Variants in MED27 observed in about 807,000 individuals in gnomAD.
The protein encoded by MED27 is mediator complex subunit 27, also known as mediator of RNA polymerase II transcription subunit 27.
MED27 carries 30 observed loss-of-function variants against 38.2 expected under a neutral mutation model. The observed-to-expected ratio is 0.79, with a 90% CI of 0.59 to 1.07. MED27 has a LOEUF of 1.07. Among genes scored for constraint, MED27 ranks in the 50% least tolerant of loss-of-function variants. MED27 has a pLI of 0.00. For missense variants in MED27, 289 were observed against 397.5 expected (o/e 0.73, Z 2.32); for synonymous variants, 122 against 153.5 (o/e 0.79, Z 1.52).
chr9:132,032,133 G>A (rs1390486486), intron 2 of MED27: 1 of 152,258 alleles, frequency 6.6e-6, no homozygotes, highest in Middle Eastern at 3.4e-3. Flanking sequence ...CACGGGGGAC[G>A]GCTCTGCCAC....
intron 6 of MED27, among the ~76,000 whole-genome samples, chr9:131,874,578 C>A (rs1221782236): frequency 1.3e-5 from 2 of 152,068 alleles, no homozygotes; most frequent in Non-Finnish European, 2.9e-5. Context: ...CAGAGGTGGA[C>A]ACTGCCTGGA....
rs1390390481 is a variant in MED27 at position 131,886,799 on chromosome 9, G to A, written c.682-2700C>T. On this transcript the variant is annotated intron_variant, in intron 5 of 7. Coordinates refer to ENST00000292035, the MANE Select transcript of MED27 (RefSeq NM_004269.4). ...GGGTTCGTATTACTTTCTCAGTGCC[G>A]CAGTTTAGCACAGGGCTTAACAAAT... is the stretch of plus-strand genomic sequence containing the variant. Among the ~76,000 whole-genome samples, 8 of 152,274 alleles carry A rather than the reference G, an allele frequency of 5.3e-5. No homozygotes were observed. In the East Asian group the frequency reaches 1.2e-3, roughly 22 times the overall value.
intron 2 of MED27, among the ~76,000 whole-genome samples, chr9:132,062,493 T>C (rs1286128523): frequency 6.6e-6 from 1 of 152,088 alleles, no homozygotes; most frequent in East Asian, 1.9e-4. Context: ...GCAGGTTGAG[T>C]ATGGTGGCTC....
At chr9:131,916,020 T>C (rs769708587) in intron 4 of MED27, among the ~76,000 whole-genome samples, 6 of 152,260 alleles carry the variant, frequency 3.9e-5, no homozygotes, top group Non-Finnish European at 5.9e-5. Context: ...TAATACAATT[T>C]ATATAATCAA....
At chr9:131,900,604 G>T (rs1337455053) in intron 4 of MED27, among the ~76,000 whole-genome samples, 1 of 151,782 alleles carries the variant, frequency 6.6e-6, no homozygotes, top group Admixed American at 6.6e-5. Flanking sequence ...CAGGGGAGGT[G>T]AGCTGACCAA....
intron 2 of MED27, among the ~76,000 whole-genome samples, chr9:132,029,914 A>G (rs1215299468): frequency 5.3e-5 from 8 of 152,120 alleles, no homozygotes; most frequent in African/African-American, 1.9e-4. Context: ...AAAATTGCAA[A>G]TCAAGGTATA....
At chr9:132,038,126 C>T (rs1157117421) in intron 2 of MED27, among the ~76,000 whole-genome samples, 2 of 151,096 alleles carry the variant, frequency 1.3e-5, no homozygotes, top group African/African-American at 4.9e-5. Context: ...CACTCTCATT[C>T]ATTCATTCAT....
intron 5 of MED27, among the ~76,000 whole-genome samples, chr9:131,885,249 G>A (rs1452480712): frequency 6.6e-6 from 1 of 152,208 alleles, no homozygotes; most frequent in Non-Finnish European, 1.5e-5. Context: ...TTCTCCAGAT[G>A]GGGAAACAAT....
chr9:131,875,497 G>C (rs1472505607), intron 6 of MED27, among the ~76,000 whole-genome samples: 1 of 152,160 alleles, frequency 6.6e-6, no homozygotes, highest in Non-Finnish European at 1.5e-5. Flanking sequence ...GGTGGTCACT[G>C]AGGAAGAGGC....
chr9:131,918,094 A>C (rs996031820), intron 4 of MED27, among the ~76,000 whole-genome samples: 4 of 152,206 alleles, frequency 2.6e-5, no homozygotes, highest in African/African-American at 9.6e-5. Flanking sequence ...CACTATTGTA[A>C]ATGCCAGCCA....
chr9:131,978,587 G>A (rs1831660790), intron 3 of MED27, among the ~76,000 whole-genome samples: 1 of 152,180 alleles, frequency 6.6e-6, no homozygotes, highest in African/African-American at 2.4e-5. Flanking sequence ...AATAGCATAA[G>A]GATCTGATGG....
intron 3 of MED27, among the ~76,000 whole-genome samples, chr9:131,941,431 T>C (rs1188814812): frequency 6.6e-6 from 1 of 152,152 alleles, no homozygotes; most frequent in Non-Finnish European, 1.5e-5. Flanking sequence ...CTCTGAAAGT[T>C]AGAAAGTGAC....
Position 131,881,800 on chromosome 9 carries a change from C to CTTTTTTTTTTTTTTTTTTTT in MED27, c.723+2238_723+2257dup. Among the ~76,000 whole-genome samples the CTTTTTTTTTTTTTTTTTTTT allele has an allele frequency of 1.5e-3, 94 of 60,978 alleles. 3 individuals carry two copies. The highest frequency in any genetic ancestry group is 2.0e-3 in the Admixed American group (8 of 3,986). 40.0% of individuals were successfully genotyped at this position (60,978 alleles called of 152,430 possible). On this transcript the variant is annotated intron_variant, in intron 6 of 7. Coordinates refer to ENST00000292035, the MANE Select transcript of MED27 (RefSeq NM_004269.4). ...CCTCCCTCCCTTCCTTCTTCTTCTT[C>CTTTTTTTTTTTTTTTTTTTT]TTTTTTTTTTTTTTTTTTTTTTTTG...
At chr9:132,048,188 T>C (rs1473434337) in intron 2 of MED27, among the ~76,000 whole-genome samples, 3 of 152,216 alleles carry the variant, frequency 2.0e-5, no homozygotes, top group Non-Finnish European at 4.4e-5. Flanking sequence ...ATAATTTTTC[T>C]TCTATCTTGC....
chr9:131,875,909 G>A (rs575053300), intron 6 of MED27, among the ~76,000 whole-genome samples: 12 of 152,212 alleles, frequency 7.9e-5, no homozygotes, highest in Non-Finnish European at 1.3e-4. Flanking sequence ...GCGCCCGGCT[G>A]CGTCTCTGTT....
At chr9:131,939,011 C>T (rs571500880) in intron 4 of MED27, among the ~76,000 whole-genome samples, 9 of 152,208 alleles carry the variant, frequency 5.9e-5, no homozygotes, top group Admixed American at 1.3e-4. Flanking sequence ...CCGCGCCTGG[C>T]GAGAGTGTTT....
chr9:131,942,427 T>C (rs1830805998), intron 3 of MED27, among the ~76,000 whole-genome samples: 1 of 152,220 alleles, frequency 6.6e-6, no homozygotes, highest in African/African-American at 2.4e-5. Context: ...TAAATCTATA[T>C]GTGTGGTTTA....
At chr9:131,989,786 A>G (rs1403843912) in intron 3 of MED27, among the ~76,000 whole-genome samples, 1 of 152,082 alleles carries the variant, frequency 6.6e-6, no homozygotes, top group African/African-American at 2.4e-5. Flanking sequence ...ATACTTAAAA[A>G]AAAAAAAAGG....
rs1833412293 is a variant in MED27, at chr9:132,049,363, G to T, written c.348+28079C>A. 2.6e-5 allele frequency among the ~76,000 whole-genome samples: 4 copies of T among 152,128 alleles called. No homozygotes were observed. The South Asian group carries it at 8.3e-4, about 32-fold the overall frequency. Reference sequence around the variant, plus strand: ...ATACTGGTAATCTTACTTAATCCTGGTGTGGCCCTAAATCAGGCTCTGCAG... The same window carrying T: ...ATACTGGTAATCTTACTTAATCCTGTTGTGGCCCTAAATCAGGCTCTGCAG... On this transcript the variant is annotated intron_variant, in intron 2 of 7. Coordinates refer to ENST00000292035, the MANE Select transcript of MED27 (RefSeq NM_004269.4).
Sources: gnomAD v4.1 joint callset for allele counts (sites outside exome capture counted in the v4.1 genomes callset) on GRCh38, gnomAD v4.1.1 for gene constraint, MANE v1.5 for transcripts, NCBI Gene and HGNC (gene_info 2026-07-23, HGNC 2026-07-21) for gene names.